RAI2: variants seen among roughly 807,000 people sequenced by gnomAD.
The protein encoded by RAI2 is retinoic acid-induced protein 2.
RAI2 carries 5 observed loss-of-function variants against 15.3 expected under a neutral mutation model. The observed-to-expected ratio is 0.33, with a 90% CI of 0.17 to 0.69. The LOEUF is 0.69. Among genes scored for constraint, RAI2 ranks in the 30% least tolerant of loss-of-function variants. The probability of loss-of-function intolerance (pLI) is 0.69; values close to 1 mark genes in which losing one functional copy is unlikely to be tolerated. For synonymous variants in RAI2, 191 were observed against 184.0 expected (o/e 1.04, Z -0.31); for missense variants, 424 against 424.7 (o/e 1.00, Z 0.01).
intron 1 of RAI2, among the ~76,000 whole-genome samples, chrX:17,858,060 C>T (rs1189342752): frequency 9.0e-6 from 1 of 110,987 alleles, no homozygotes; most frequent in Non-Finnish European, 1.9e-5. Flanking sequence ...CAGTTTTAGT[C>T]CTTCGTGGTT....
intron 1 of RAI2, among the ~76,000 whole-genome samples, chrX:17,805,327 T>C (rs1370019797): frequency 8.8e-6 from 1 of 113,035 alleles, no homozygotes; most frequent in Non-Finnish European, 1.9e-5. Flanking sequence ...AGTAAAGTCA[T>C]TGAACTGTTG....
At chrX:17,851,434 C>G (rs1002862397) in intron 1 of RAI2, among the ~76,000 whole-genome samples, 2 of 112,044 alleles carry the variant, frequency 1.8e-5, no homozygotes, top group African/African-American at 6.5e-5. Context: ...TATTTTAGAA[C>G]AAAATTTAAA....
Position 17,854,175 on chromosome X carries a change from A to T in RAI2, c.-25+6923T>A, listed in dbSNP as rs190146475. 7.6e-3 allele frequency among the ~76,000 whole-genome samples: 855 copies of T among 112,176 alleles called. 16 individuals carry two copies. The highest frequency in any genetic ancestry group is 0.026 in the African/African-American group (804 of 30,876). ...TCAATCATTCCTTAGTGAGCAAAAC[A>T]TGCAGCCCATTCTCTTGGTTATGCT... On this transcript the variant is annotated intron_variant, in intron 1 of 1. Transcript: ENST00000451717.
intron 1 of RAI2, among the ~76,000 whole-genome samples, chrX:17,856,010 CAT>C: frequency 8.9e-6 from 1 of 112,007 alleles, no homozygotes; most frequent in Admixed American, 9.4e-5. Context: ...ACAGTGCAAA[CAT>C]GTGACATTTC....
chrX:17,805,159 G>T (rs1367485084), intron 1 of RAI2, among the ~76,000 whole-genome samples: 1 of 112,904 alleles, frequency 8.9e-6, no homozygotes, highest in Admixed American at 9.3e-5. Context: ...CTTCGACTGG[G>T]AGAGCTGTGA....
chrX:17,846,887 G>A (rs2067466341), intron 1 of RAI2, among the ~76,000 whole-genome samples: 1 of 112,237 alleles, frequency 8.9e-6, no homozygotes, highest in Non-Finnish European at 1.9e-5. Context: ...GGCAGGGCCA[G>A]GTGGACATAA....
At chrX:17,843,784 C>T (rs976586546) in intron 1 of RAI2, among the ~76,000 whole-genome samples, 3 of 112,100 alleles carry the variant, frequency 2.7e-5, no homozygotes, top group Non-Finnish European at 5.6e-5. Flanking sequence ...TTATGCATCA[C>T]GAAAGTCTAA....
At chrX:17,813,697 T>C (rs1212864706) in intron 1 of RAI2, among the ~76,000 whole-genome samples, 1 of 111,598 alleles carries the variant, frequency 9.0e-6, no homozygotes, top group Non-Finnish European at 1.9e-5. Context: ...TCACCCAACA[T>C]GAACCTCCTG....
chrX:17,812,055 C>T (rs1394073293), intron 1 of RAI2, among the ~76,000 whole-genome samples: 3 of 112,093 alleles, frequency 2.7e-5, no homozygotes, highest in Non-Finnish European at 5.6e-5. Context: ...TTGTCATCAT[C>T]ATCACTGGTA....
chrX:17,820,492 A>G (rs899087136), intron 1 of RAI2, among the ~76,000 whole-genome samples: 2 of 111,851 alleles, frequency 1.8e-5, no homozygotes, highest in Non-Finnish European at 3.8e-5. Context: ...AGTTCCTTAA[A>G]GGCAAAGGCC....
chrX:17,836,343 C>T (rs1395205266), intron 1 of RAI2, among the ~76,000 whole-genome samples: 2 of 111,921 alleles, frequency 1.8e-5, no homozygotes, highest in Non-Finnish European at 3.8e-5. Context: ...AAAATCATAG[C>T]GTAGCCTAGC....
chrX:17,844,270 C>T (rs184909224), intron 1 of RAI2, among the ~76,000 whole-genome samples: 86 of 112,766 alleles, frequency 7.6e-4, no homozygotes, highest in African/African-American at 2.6e-3. Flanking sequence ...AAAATGTCCT[C>T]GTTGGATATG....
At chrX:17,858,951 G>A (rs1169245600) in intron 1 of RAI2, among the ~76,000 whole-genome samples, 1 of 111,375 alleles carries the variant, frequency 9.0e-6, no homozygotes, top group Non-Finnish European at 1.9e-5. Flanking sequence ...ATAGTGCCTG[G>A]GCTGCCCTGG....
chrX:17,844,359 T>C (rs112640398), intron 1 of RAI2, among the ~76,000 whole-genome samples: 450 of 112,688 alleles, frequency 4.0e-3, no homozygotes, highest in Non-Finnish European at 7.2e-3. Context: ...GCCATTATAT[T>C]GTCCTATTCT....
At chrX:17,810,411 T>C (rs771886948) in intron 1 of RAI2, among the ~76,000 whole-genome samples, 2 of 112,651 alleles carry the variant, frequency 1.8e-5, no homozygotes, top group Non-Finnish European at 3.8e-5. Flanking sequence ...AACACCCCCA[T>C]GCCTTGACTC....
At chrX:17,819,732 T>C (rs942655927) in intron 1 of RAI2, among the ~76,000 whole-genome samples, 9 of 112,382 alleles carry the variant, frequency 8.0e-5, no homozygotes, top group African/African-American at 2.9e-4. Context: ...AAAGTGCACA[T>C]GCTGTAAGAT....
At chrX:17,852,490 G>A (rs2067548193) in intron 1 of RAI2, among the ~76,000 whole-genome samples, 1 of 111,727 alleles carries the variant, frequency 9.0e-6, no homozygotes, top group African/African-American at 3.3e-5. Flanking sequence ...CTCAGAGGCT[G>A]GCAGGGGAGG....
intron 1 of RAI2, among the ~76,000 whole-genome samples, chrX:17,824,506 T>C (rs760801649): frequency 1.1e-4 from 12 of 111,957 alleles, no homozygotes; most frequent in Non-Finnish European, 2.3e-4. Flanking sequence ...GAGACTCTTC[T>C]AGGTAGGAGA....
chrX:17,837,787 T>G (rs912059809), intron 1 of RAI2: 12 of 112,003 alleles, frequency 1.1e-4, no homozygotes, highest in African/African-American at 3.9e-4. Context: ...TGGCAGGGGG[T>G]TATTTTTTGC....
Sources: gnomAD v4.1 joint callset for allele counts (sites outside exome capture counted in the v4.1 genomes callset) on GRCh38, gnomAD v4.1.1 for gene constraint, MANE v1.5 for transcripts, NCBI Gene and HGNC (gene_info 2026-07-23, HGNC 2026-07-21) for gene names.